The following CDKAL1 variants were observed in gnomAD, a reference collection of about 807,000 sequenced individuals.
CDKAL1 encodes the protein threonylcarbamoyladenosine tRNA methylthiotransferase.
A neutral mutation model predicts 68.2 loss-of-function variants in CDKAL1; 32 were observed. The observed-to-expected ratio is 0.47, with a 90% CI of 0.35 to 0.63. CDKAL1 has a LOEUF of 0.63. Among genes scored for constraint, CDKAL1 ranks in the 30% least tolerant of loss-of-function variants. CDKAL1 has a pLI of 0.00. For synonymous variants in CDKAL1, 234 were observed against 244.3 expected, an observed-to-expected ratio of 0.96 and a Z score of 0.39; for missense variants, 606 against 696.7, an observed-to-expected ratio of 0.87 and a Z score of 1.47.
At position 21,108,418 on chromosome 6, in the gene CDKAL1, A is replaced by C; in HGVS notation, c.1254A>C (p.Lys418Asn). The C allele has an allele frequency of 6.2e-7, 1 of 1,606,780 alleles. No individual in the cohort carries two copies. The highest frequency in any genetic ancestry group is 8.5e-7 in the Non-Finnish European group (1 of 1,177,674). Reference protein sequence around the residue: ...VPAQVKKQRTKDLSRVFHSYS... With the variant: ...VPAQVKKQRTNDLSRVFHSYS... ...TTTCACAGAAAAAGCAAAGGACAAA[A>C]GATCTTTCTCGGGTGTTTCATTCTT... Residue 418 changes from lysine (K) to asparagine (N), a missense_variant, in exon 13 of 16, where the codon AAA (lysine) becomes AAC (asparagine). Coordinates refer to ENST00000274695, the MANE Select transcript of CDKAL1 (RefSeq NM_017774.3).
chr6:21,067,529 G>A (rs1463910274), intron 12 of CDKAL1, among the ~76,000 whole-genome samples: 1 of 152,138 alleles, frequency 6.6e-6, no homozygotes, highest in South Asian at 2.1e-4. Context: ...GAAGAATGGC[G>A]TGAACCTGGG....
rs1763971367 is a variant in CDKAL1, at chr6:20,941,525, G to T, written c.743-13894G>T. Among the ~76,000 whole-genome samples the T allele has an allele frequency of 2.6e-5, 4 of 152,172 alleles. No homozygotes were observed. The East Asian group carries it at 7.7e-4, about 29-fold the overall frequency. On this transcript the variant is annotated intron_variant, in intron 9 of 15. Coordinates refer to ENST00000274695, the MANE Select transcript of CDKAL1 (RefSeq NM_017774.3). ...ATAAAGAGTTTTGGCATTTCAAACT[G>T]GATAATTCTTATTTTAAAAAATTGT...
chr6:20,753,886 C>T (rs1774044114), intron 6 of CDKAL1, among the ~76,000 whole-genome samples: 2 of 152,034 alleles, frequency 1.3e-5, no homozygotes, highest in South Asian at 4.1e-4. Context: ...CATCATTTTA[C>T]TGCATTCCCA....
chr6:20,584,973 C>G (rs1413643106), intron 4 of CDKAL1, among the ~76,000 whole-genome samples: 1 of 151,692 alleles, frequency 6.6e-6, no homozygotes, highest in Non-Finnish European at 1.5e-5. Flanking sequence ...TCTGCTTTCT[C>G]TGTTGGATCA....
intron 10 of CDKAL1, among the ~76,000 whole-genome samples, chr6:20,970,651 A>G (rs568098273): frequency 1.8e-4 from 27 of 152,306 alleles, no homozygotes; most frequent in African/African-American, 6.0e-4. Flanking sequence ...TTGAGGAAGA[A>G]CTCATGTCAT....
At chr6:20,802,940 A>G (rs1336956017) in intron 8 of CDKAL1, among the ~76,000 whole-genome samples, 3 of 152,188 alleles carry the variant, frequency 2.0e-5, no homozygotes, top group African/African-American at 7.2e-5. Flanking sequence ...AAAATGCAGA[A>G]GAGACATCCT....
chr6:21,132,262 T>G (rs901513464), intron 13 of CDKAL1, among the ~76,000 whole-genome samples: 1 of 152,072 alleles, frequency 6.6e-6, no homozygotes, highest in African/African-American at 2.4e-5. Context: ...GGAAATTAAT[T>G]ATATAAGTAA....
At chr6:20,655,665 G>A (rs1020111328) in intron 5 of CDKAL1, among the ~76,000 whole-genome samples, 1 of 152,108 alleles carries the variant, frequency 6.6e-6, no homozygotes, top group Non-Finnish European at 1.5e-5. Context: ...GTGACCTGAG[G>A]TGGAACAGTT....
intron 9 of CDKAL1, among the ~76,000 whole-genome samples, chr6:20,916,737 A>C (rs1762738531): frequency 6.6e-6 from 1 of 152,198 alleles, no homozygotes; most frequent in African/African-American, 2.4e-5. Context: ...GGTTTAATAA[A>C]TGAATCCAAA....
intron 5 of CDKAL1, among the ~76,000 whole-genome samples, chr6:20,702,671 C>T (rs574676031): frequency 2.0e-5 from 3 of 152,074 alleles, no homozygotes; most frequent in Non-Finnish European, 4.4e-5. Context: ...TTTTCTTCGC[C>T]GATGTGTTCC....
chr6:20,983,297 A>C (rs1766256667), intron 10 of CDKAL1, among the ~76,000 whole-genome samples: 1 of 152,242 alleles, frequency 6.6e-6, no homozygotes, highest in Admixed American at 6.5e-5. Context: ...ACTTAGTTTA[A>C]ACGCATGAGA....
chr6:20,571,178 A>G (rs1764685872), intron 4 of CDKAL1, among the ~76,000 whole-genome samples: 3 of 152,216 alleles, frequency 2.0e-5, no homozygotes, highest in South Asian at 4.1e-4. Context: ...AGGAGCATCT[A>G]TTGAGTTACT....
At chr6:20,767,494 T>A (rs1216122527) in intron 7 of CDKAL1, among the ~76,000 whole-genome samples, 1 of 152,146 alleles carries the variant, frequency 6.6e-6, no homozygotes, top group African/African-American at 2.4e-5. Context: ...TTTATTGTTA[T>A]GGAAATAATT....
chr6:20,893,285 G>A (rs906493134), intron 9 of CDKAL1, among the ~76,000 whole-genome samples: 1 of 152,136 alleles, frequency 6.6e-6, no homozygotes, highest in Non-Finnish European at 1.5e-5. Context: ...TTACAGCCTA[G>A]TGCCATGAGG....
In CDKAL1 at chr6:20,625,155, G is replaced by A. The variant is rs1184163938; in HGVS notation, c.287-24138G>A. 2.6e-5 allele frequency among the ~76,000 whole-genome samples: 4 copies of A among 152,040 alleles called. No individual in the cohort carries two copies. The East Asian group carries it at 7.7e-4, about 29-fold the overall frequency. ...AGGAAAAATTACTCTATTGGAGAAG[G>A]TATAGCTCTTTCTAAGAGTATTCCA... On this transcript the variant is annotated intron_variant, in intron 4 of 15. Transcript: ENST00000274695.
At chr6:20,554,642 G>A (rs975332780) in intron 4 of CDKAL1, among the ~76,000 whole-genome samples, 5 of 152,094 alleles carry the variant, frequency 3.3e-5, no homozygotes, top group Non-Finnish European at 7.3e-5. Context: ...ACACGTTTTT[G>A]GTCTCTTCAG....
intron 11 of CDKAL1, among the ~76,000 whole-genome samples, chr6:21,009,316 A>G (rs1561957929): frequency 6.6e-6 from 1 of 152,236 alleles, no homozygotes; most frequent in African/African-American, 2.4e-5. Context: ...TGAAAATTAT[A>G]CTACACTATT....
At chr6:20,583,499 C>T (rs1765219328) in intron 4 of CDKAL1, among the ~76,000 whole-genome samples, 1 of 152,044 alleles carries the variant, frequency 6.6e-6, no homozygotes, top group Non-Finnish European at 1.5e-5. Context: ...CAGACTGGTG[C>T]AATGTGGAAA....
chr6:20,672,227 CTTTT>C (rs1387533055), intron 5 of CDKAL1, among the ~76,000 whole-genome samples: 43 of 131,272 alleles, frequency 3.3e-4, no homozygotes, highest in South Asian at 2.2e-3. Context: ...TCCTTTCTTT[CTTTT>C]CTTTCTCTTT....
Sources: allele counts gnomAD v4.1 joint callset (sites outside exome capture counted in the v4.1 genomes callset), GRCh38; gene constraint gnomAD v4.1.1; transcripts MANE v1.5; gene names NCBI Gene and HGNC (gene_info 2026-07-23, HGNC 2026-07-21).